Variants in PDS5B observed in about 807,000 individuals in gnomAD.
PDS5B encodes the protein PDS5 cohesin associated factor B, also known as sister chromatid cohesion protein PDS5 homolog B.
In PDS5B, 51 loss-of-function variants were observed where a neutral mutation model predicts 184.1. The observed-to-expected ratio is 0.28, with a 90% CI of 0.22 to 0.35. PDS5B has a LOEUF of 0.35. Among genes scored for constraint, PDS5B ranks in the 10% least tolerant of loss-of-function variants. PDS5B has a pLI of 1.00. For synonymous variants in PDS5B, 566 were observed against 569.2 expected (o/e 0.99, Z 0.08); for missense variants, 1,180 against 1,723.3 (o/e 0.68, Z 5.58).
intron 1 of PDS5B, among the ~76,000 whole-genome samples, chr13:32,618,458 G>A (rs1156746464): frequency 6.6e-6 from 1 of 151,962 alleles, no homozygotes; most frequent in East Asian, 1.9e-4. Context: ...TCCAGGATGT[G>A]AATTATTCCT....
In PDS5B at chr13:32,730,092, G is replaced by A. The variant is rs1403543383; in HGVS notation, c.2124-2009G>A. Among the ~76,000 whole-genome samples the A allele has an allele frequency of 3.9e-5, 6 of 152,146 alleles. No individual in the cohort carries two copies. The East Asian group carries it at 1.2e-3, about 29-fold the overall frequency. ...TTATGGTTTTAGGTTTTCCATTTAA[G>A]TCTTTAATCCATCTTGAGTTAATTT... On this transcript the variant is annotated intron_variant, in intron 19 of 34. Transcript: ENST00000315596.
At chr13:32,723,531 A>G in intron 19 of PDS5B, among the ~76,000 whole-genome samples, 1 of 131,718 alleles carries the variant, frequency 7.6e-6, no homozygotes, top group Admixed American at 7.5e-5. Flanking sequence ...TTAGTACTGC[A>G]GAATTCTTAA....
chr13:32,714,309 C>T (rs909000966), intron 19 of PDS5B, among the ~76,000 whole-genome samples: 2 of 151,336 alleles, frequency 1.3e-5, no homozygotes, highest in Non-Finnish European at 1.5e-5. Flanking sequence ...ATTTATTAGG[C>T]GGGAATTTCC....
At chr13:32,721,907 A>G (rs1952725458) in intron 19 of PDS5B, among the ~76,000 whole-genome samples, 3 of 149,756 alleles carry the variant, frequency 2.0e-5, no homozygotes, top group Non-Finnish European at 4.4e-5. Flanking sequence ...CTCACATCCC[A>G]GACAATGGGC....
chr13:32,749,173 TAGCTGA>T (rs1953876284), intron 24 of PDS5B, among the ~76,000 whole-genome samples: 1 of 152,238 alleles, frequency 6.6e-6, no homozygotes, highest in Non-Finnish European at 1.5e-5. Context: ...TCATTTCATG[TAGCTGA>T]ACAGCTTTTT....
intron 23 of PDS5B, among the ~76,000 whole-genome samples, chr13:32,744,642 A>G (rs1361562383): frequency 6.6e-6 from 1 of 152,178 alleles, no homozygotes; most frequent in Admixed American, 6.5e-5. Flanking sequence ...TGTTATCCAT[A>G]TCTGTGAGGA....
At chr13:32,703,955 A>G (rs1593466142) in intron 17 of PDS5B, among the ~76,000 whole-genome samples, 1 of 152,004 alleles carries the variant, frequency 6.6e-6, no homozygotes, top group South Asian at 2.1e-4. Context: ...TCTTTTTCTT[A>G]TTGATTATAA....
At chr13:32,753,889 A>G (rs1030943902) in intron 25 of PDS5B, among the ~76,000 whole-genome samples, 2 of 152,074 alleles carry the variant, frequency 1.3e-5, no homozygotes, top group African/African-American at 2.4e-5. Flanking sequence ...GTTTGTTCTC[A>G]CCTGTAGCTG....
chr13:32,664,714 G>A (rs546210503), intron 6 of PDS5B, among the ~76,000 whole-genome samples: 1 of 152,138 alleles, frequency 6.6e-6, no homozygotes, highest in Non-Finnish European at 1.5e-5. Context: ...AATTAGCTGG[G>A]CAAGTGACGC....
intron 3 of PDS5B, among the ~76,000 whole-genome samples, chr13:32,656,433 G>A (rs776073522): frequency 6.6e-6 from 1 of 151,680 alleles, no homozygotes; most frequent in African/African-American, 2.4e-5. Context: ...GGACAGCATG[G>A]CCTTTTTAGT....
chr13:32,705,175 G>A (rs569363679), intron 17 of PDS5B, among the ~76,000 whole-genome samples: 10 of 151,854 alleles, frequency 6.6e-5, no homozygotes, highest in Admixed American at 3.9e-4. Context: ...TAATGTGTTT[G>A]TTAACTTATT....
At chr13:32,626,616 T>C (rs1157034948) in intron 1 of PDS5B, among the ~76,000 whole-genome samples, 1 of 152,160 alleles carries the variant, frequency 6.6e-6, no homozygotes, top group Non-Finnish European at 1.5e-5. Flanking sequence ...TGCTGTTTTT[T>C]TTTTATTTTC....
chr13:32,770,404 A>G lies in PDS5B; in HGVS notation c.3908A>G (p.Lys1303Arg), dbSNP rs757093013. The G allele has an allele frequency of 4.2e-5, 68 of 1,613,462 alleles. No individual in the cohort carries two copies. The highest frequency in any genetic ancestry group is 5.3e-5 in the Non-Finnish European group (63 of 1,179,966). ...AAACCTCTTGGTGGAGGTACACCAA[A>G]AGAAGAGCCAACAATGAAAACTTCT... is the stretch of plus-strand genomic sequence containing the variant. ...PPKPLGGGTP[K>R]EEPTMKTSKK... Residue 1303 changes from lysine (K) to arginine (R), a missense_variant, in exon 32 of 35, where the codon AAA becomes AGA. Physicochemically the swap from Lys to Arg is conservative, Grantham distance 26. Coordinates refer to ENST00000315596, the MANE Select transcript of PDS5B (RefSeq NM_015032.4).
At chr13:32,699,455 G>A (rs371377185) in intron 15 of PDS5B, among the ~76,000 whole-genome samples, 5 of 152,158 alleles carry the variant, frequency 3.3e-5, no homozygotes, top group East Asian at 1.9e-4. Context: ...GACATTTGAT[G>A]CCTTTAAATA....
intron 13 of PDS5B, among the ~76,000 whole-genome samples, chr13:32,693,805 A>G (rs1951622204): frequency 6.6e-6 from 1 of 151,634 alleles, no homozygotes; most frequent in Non-Finnish European, 1.5e-5. Context: ...AGTTTTTGAC[A>G]TATAAAAATA....
intron 19 of PDS5B, among the ~76,000 whole-genome samples, chr13:32,711,727 C>G (rs1245156575): frequency 6.6e-6 from 1 of 152,118 alleles, no homozygotes; most frequent in Non-Finnish European, 1.5e-5. Flanking sequence ...CTCTCCTAGT[C>G]AGATCAGAGA....
chr13:32,599,099 A>G (rs1566234859), intron 1 of PDS5B, among the ~76,000 whole-genome samples: 1 of 151,692 alleles, frequency 6.6e-6, no homozygotes, highest in Non-Finnish European at 1.5e-5. Flanking sequence ...CAATTTAAAG[A>G]TGTCATTTTA....
At chr13:32,592,548 C>T (rs1251832911) in intron 1 of PDS5B, among the ~76,000 whole-genome samples, 2 of 132,828 alleles carry the variant, frequency 1.5e-5, no homozygotes, top group African/African-American at 2.7e-5. Context: ...TGAGCCACTG[C>T]GCCCTGGCCT....
chr13:32,628,864 AT>A (rs34723691), intron 1 of PDS5B, among the ~76,000 whole-genome samples: 56,070 of 151,490 alleles, frequency 0.37, 10,845 homozygotes, highest in Non-Finnish European at 0.44. Flanking sequence ...TCGATGTCAG[AT>A]TTTTTTTTCC....
Sources: allele counts gnomAD v4.1 joint callset (sites outside exome capture counted in the v4.1 genomes callset), GRCh38; gene constraint gnomAD v4.1.1; transcripts MANE v1.5; gene names NCBI Gene and HGNC (gene_info 2026-07-23, HGNC 2026-07-21).